Variants in E2F2 observed in about 807,000 individuals in gnomAD.
E2F2 encodes the protein transcription factor E2F2.
E2F2 carries 22 observed loss-of-function variants against 42.2 expected under a neutral mutation model. That is an observed-to-expected ratio of 0.52 (90% CI 0.37 to 0.74). E2F2 has a LOEUF of 0.74. E2F2 is among the 30% of genes least tolerant of loss of function. The probability of loss-of-function intolerance (pLI) is 0.00; values close to 1 mark genes in which losing one functional copy is unlikely to be tolerated. For missense variants in E2F2, 481 were observed against 557.8 expected (o/e 0.86, Z 1.39); for synonymous variants, 248 against 251.6 (o/e 0.99, Z 0.13).
chr1:23,505,760 G>A (rs1252133492), downstream of E2F2, among the ~76,000 whole-genome samples: 7 of 152,132 alleles, frequency 4.6e-5, no homozygotes, highest in Non-Finnish European at 7.4e-5. Flanking sequence ...CGATCCGCCC[G>A]CCTTGGACTC....
chr1:23,509,803 GTGCAGGCAGAGGGGC>G lies in E2F2; in HGVS notation c.*62_*76del. On this transcript the variant is annotated 3_prime_UTR_variant, in exon 7 of 7. Coordinates refer to ENST00000361729, the MANE Select transcript of E2F2 (RefSeq NM_004091.4). ...GCAGCACCTAGTGTCCAATGTCCCT[GTGCAGGCAGAGGGGC>G]TGTCAGCCTGTCTGTGAGGAGGTAG... 1 of 1,473,222 alleles carries G rather than the reference GTGCAGGCAGAGGGGC, an allele frequency of 6.8e-7. No homozygotes were observed. The highest frequency in any genetic ancestry group is 9.0e-7 in the Non-Finnish European group (1 of 1,110,100). The allele number at this position is 1,473,222 out of a possible 1,614,324, so 91.3% of individuals were successfully genotyped here. A position where few individuals can be genotyped will look rare whatever the true frequency, so the allele number is the denominator to read the frequency against.
intron 6 of E2F2, among the ~76,000 whole-genome samples, chr1:23,511,294 G>A (rs1642903862): frequency 6.6e-6 from 1 of 151,848 alleles, no homozygotes; most frequent in Non-Finnish European, 1.5e-5. Flanking sequence ...GAGTGCAGTA[G>A]GGTGAACACG....
chr1:23,519,705 G>A (rs529092210), intron 4 of E2F2, among the ~76,000 whole-genome samples: 2 of 152,282 alleles, frequency 1.3e-5, no homozygotes, highest in South Asian at 4.1e-4. Flanking sequence ...TGAGGCGGGT[G>A]GATAACTTGA....
chr1:23,518,246 T>C (rs1046888996), intron 5 of E2F2, among the ~76,000 whole-genome samples: 2 of 151,414 alleles, frequency 1.3e-5, no homozygotes, highest in African/African-American at 4.9e-5. Flanking sequence ...GGCAGGTGGA[T>C]CATGAGGTCA....
In E2F2 at chr1:23,507,298, CTT is replaced by C. The variant is rs1642816478; in HGVS notation, c.*2580_*2581del. 1 of 152,112 alleles carries C rather than the reference CTT, an allele frequency of 6.6e-6. No homozygotes were observed. Among genetic ancestry groups the C allele is most frequent in the Non-Finnish European group, 1.5e-5 (1 of 68,094 alleles). The allele number at this position is 152,112 out of a possible 1,614,324, so 9.4% of individuals were successfully genotyped here. ...TTTGGGAGGCCGAGGTGGTGGATCA[CTT>C]GAGGTCAGGAGTTCAAGACCAGCCT... On this transcript the variant is annotated 3_prime_UTR_variant, in exon 7 of 7. Transcript: ENST00000361729.
chr1:23,513,254 TCA>T (rs1467593216), intron 6 of E2F2, among the ~76,000 whole-genome samples: 1 of 151,892 alleles, frequency 6.6e-6, no homozygotes, highest in Non-Finnish European at 1.5e-5. Flanking sequence ...AGTGATTCAC[TCA>T]CAGTCACCAA....
intron 6 of E2F2, among the ~76,000 whole-genome samples, chr1:23,515,527 A>C (rs1011653878): frequency 6.8e-6 from 1 of 147,714 alleles, no homozygotes; most frequent in African/African-American, 2.5e-5. Flanking sequence ...TCTATGTCTT[A>C]TTTTTTTTTT....
downstream of E2F2, chr1:23,506,363 A>G (rs1642795209): frequency 6.6e-6 from 1 of 152,378 alleles, no homozygotes; most frequent in Non-Finnish European, 1.5e-5. Context: ...AGCCCCCAAC[A>G]CCCAGCCTGC....
downstream of E2F2, among the ~76,000 whole-genome samples, chr1:23,505,615 T>C (rs1489316493): frequency 6.6e-6 from 1 of 151,616 alleles, no homozygotes; most frequent in African/African-American, 2.4e-5. Context: ...TGGGTTAAAG[T>C]GATTCTCCTG....
At chr1:23,521,114 C>A in intron 3 of E2F2, 43 bp from the exon 4 acceptor site, 1 of 1,562,424 alleles carries the variant, frequency 6.4e-7, no homozygotes, top group South Asian at 1.2e-5. Flanking sequence ...GTGGGTGAAA[C>A]TCCAGAACAA....
chr1:23,514,870 T>C (rs71638894), intron 6 of E2F2, among the ~76,000 whole-genome samples: 2 of 151,900 alleles, frequency 1.3e-5, no homozygotes, highest in Non-Finnish European at 2.9e-5. Context: ...GAGAGTATTT[T>C]AGGCTTTGTG....
chr1:23,524,101 C>CAAAA lies in E2F2; in HGVS notation c.358+281_358+282insTTTT, dbSNP rs1370410455. Among the ~76,000 whole-genome samples, 293 of 132,124 alleles carry CAAAA rather than the reference C, an allele frequency of 2.2e-3. 3 individuals are homozygous for CAAAA. Among genetic ancestry groups the CAAAA allele is most frequent in the African/African-American group, 7.8e-3 (267 of 34,066 alleles). 86.7% of individuals were successfully genotyped at this position (132,124 alleles called of 152,430 possible). On this transcript the variant is annotated intron_variant, in intron 2 of 6. Transcript: ENST00000361729. ...ACAACAACAACAACAACAACAACAACAACAAAAAAAAACACAGAAGTAATG... is the reference window on the plus strand; with the variant it reads ...ACAACAACAACAACAACAACAACAACAAAAAACAAAAAAAAACACAGAAGTAATG...
rs760632527 is a variant in E2F2, at chr1:23,521,822, C to G, written c.578+15G>C. On this transcript the variant is annotated intron_variant, in intron 3 of 6. Coordinates refer to ENST00000361729, the MANE Select transcript of E2F2 (RefSeq NM_004091.4). ...GTACCCATTGGAGGGTACCACTGGCCGCCCAGGCACTCACACCCACTGGAT... is the reference window on the plus strand; with the variant it reads ...GTACCCATTGGAGGGTACCACTGGCGGCCCAGGCACTCACACCCACTGGAT... 6.2e-7 allele frequency: 1 copy of G among 1,612,788 alleles called. No individual in the cohort carries two copies. The highest frequency in any genetic ancestry group is 1.3e-5 in the African/African-American group (1 of 74,876).
At chr1:23,521,149 G>C (rs1179815944) in intron 3 of E2F2, 78 bp from the exon 4 acceptor site, 12 of 1,429,888 alleles carry the variant, frequency 8.4e-6, no homozygotes, top group Non-Finnish European at 1.1e-5. Context: ...TAGTCTATGA[G>C]GGTGCTTCCC....
At chr1:23,521,799 A>G (rs755685893) in intron 3 of E2F2, 38 bp downstream of exon 3, 23 of 1,610,084 alleles carry the variant, frequency 1.4e-5, no homozygotes, top group Non-Finnish European at 1.8e-5. Flanking sequence ...CAGCACAAGT[A>G]CCCATTGGAG....
intron 6 of E2F2, among the ~76,000 whole-genome samples, chr1:23,514,878 G>T (rs3218192): frequency 0.4 from 59,664 of 148,182 alleles, 14,182 homozygotes; most frequent in East Asian, 0.59. Context: ...TTTAGGCTTT[G>T]TGGGACACTT....
chr1:23,513,030 C>A (rs1397688057), intron 6 of E2F2, among the ~76,000 whole-genome samples: 2 of 151,808 alleles, frequency 1.3e-5, no homozygotes, highest in Non-Finnish European at 2.9e-5. Flanking sequence ...CCAGGCTGGT[C>A]TGGAACTTCT....
intron 1 of E2F2, among the ~76,000 whole-genome samples, chr1:23,529,436 G>A (rs1352698661): frequency 1.3e-5 from 2 of 152,134 alleles, no homozygotes; most frequent in Admixed American, 6.5e-5. Flanking sequence ...CTGGGCATCC[G>A]TGCTTGCTGA....
intron 6 of E2F2, among the ~76,000 whole-genome samples, chr1:23,510,694 C>CA (rs1233642509): frequency 2.0e-5 from 3 of 152,034 alleles, no homozygotes; most frequent in South Asian, 2.1e-4. Flanking sequence ...AAGCCAATCA[C>CA]AAAAAAACAA....
Sources: allele counts gnomAD v4.1 joint callset (sites outside exome capture counted in the v4.1 genomes callset), GRCh38; gene constraint gnomAD v4.1.1; transcripts MANE v1.5; gene names NCBI Gene and HGNC (gene_info 2026-07-23, HGNC 2026-07-21).